Variants in COX10 observed in about 807,000 individuals in gnomAD.
COX10 encodes cytochrome c oxidase assembly factor heme A:farnesyltransferase COX10.
In COX10, 27 loss-of-function variants were observed where a neutral mutation model predicts 37.3. The ratio of observed to expected loss-of-function variants is 0.72; its 90% CI spans 0.53 to 1.00. The LOEUF (loss-of-function observed/expected upper bound fraction) is 1.00, where lower values mean the gene tolerates loss of function less well. Ranked by LOEUF, COX10 falls within the 50% of genes least tolerant of loss-of-function variation. The pLI is 0.00. For missense variants in COX10, 475 were observed against 563.2 expected, an observed-to-expected ratio of 0.84 and a Z score of 1.59; for synonymous variants, 222 against 229.1, an observed-to-expected ratio of 0.97 and a Z score of 0.28.
chr17:14,131,604 G>T (rs1465115202), intron 4 of COX10, among the ~76,000 whole-genome samples: 2 of 151,980 alleles, frequency 1.3e-5, no homozygotes, highest in Non-Finnish European at 2.9e-5. Context: ...AGCACATAGA[G>T]CAGGTCAAGA....
intron 4 of COX10, among the ~76,000 whole-genome samples, chr17:14,151,926 T>G (rs575027602): frequency 7.2e-5 from 11 of 152,342 alleles, no homozygotes; most frequent in Admixed American, 7.2e-4. Context: ...TTATTTGCAA[T>G]GATGGTTTAT....
chr17:14,143,742 C>T (rs1904619046), intron 4 of COX10, among the ~76,000 whole-genome samples: 1 of 152,114 alleles, frequency 6.6e-6, no homozygotes, highest in Non-Finnish European at 1.5e-5. Flanking sequence ...ATGCAACTGT[C>T]TTTTAAAGGT....
chr17:14,125,331 G>A (rs1340333102), intron 4 of COX10, among the ~76,000 whole-genome samples: 2 of 152,064 alleles, frequency 1.3e-5, no homozygotes, highest in South Asian at 2.1e-4. Flanking sequence ...TCTCTAAAAT[G>A]GAATTTTAGG....
chr17:14,169,162 ATC>A (rs765696981), intron 5 of COX10, among the ~76,000 whole-genome samples: 6 of 152,180 alleles, frequency 3.9e-5, no homozygotes, highest in Non-Finnish European at 5.9e-5. Flanking sequence ...ATCCTAAATC[ATC>A]TCTCTCAAGT....
intron 3 of COX10, among the ~76,000 whole-genome samples, chr17:14,082,419 C>A (rs1283010841): frequency 2.0e-5 from 3 of 152,104 alleles, no homozygotes. Context: ...GCTGTGTCTT[C>A]TTAGACTCTT....
chr17:14,143,369 T>C (rs1158345502), intron 4 of COX10, among the ~76,000 whole-genome samples: 5 of 152,204 alleles, frequency 3.3e-5, no homozygotes, highest in Non-Finnish European at 7.3e-5. Flanking sequence ...ATATACTCTT[T>C]AAACATGAAG....
At chr17:14,165,546 C>T (rs560781602) in intron 5 of COX10, among the ~76,000 whole-genome samples, 1 of 152,308 alleles carries the variant, frequency 6.6e-6, no homozygotes, top group Admixed American at 6.5e-5. Flanking sequence ...CTCTCTCCTG[C>T]TCCTTGGACC....
intron 5 of COX10, chr17:14,179,107 G>C (rs1905775682): frequency 4.9e-6 from 1 of 205,502 alleles, no homozygotes; most frequent in South Asian, 1.7e-4. Flanking sequence ...AAGCCAAAGA[G>C]ATTCTTAATA....
At chr17:14,124,818 T>TTA (rs781146727) in intron 4 of COX10, among the ~76,000 whole-genome samples, 196 of 152,290 alleles carry the variant, frequency 1.3e-3, no homozygotes, top group Admixed American at 1.4e-3. Context: ...TGTTTTAATG[T>TTA]TATGAGAATG....
intron 4 of COX10, among the ~76,000 whole-genome samples, chr17:14,154,794 G>A (rs940180900): frequency 1.3e-5 from 2 of 152,154 alleles, no homozygotes; most frequent in Admixed American, 6.5e-5. Context: ...AGGAAACTAA[G>A]GCTTCCGATA....
At chr17:14,174,413 G>C (rs367946905) in intron 5 of COX10, among the ~76,000 whole-genome samples, 1,517 of 143,602 alleles carry the variant, frequency 0.011, 17 homozygotes, top group Middle Eastern at 0.023. Flanking sequence ...CAGCTAAGAT[G>C]ATGCCACTGC....
At chr17:14,114,138 T>C (rs540516101) in intron 4 of COX10, among the ~76,000 whole-genome samples, 29 of 152,262 alleles carry the variant, frequency 1.9e-4, no homozygotes, top group Admixed American at 8.5e-4. Flanking sequence ...TAAAGAGTTA[T>C]CCACATTTCT....
intron 6 of COX10, among the ~76,000 whole-genome samples, chr17:14,194,303 TC>T (rs1345488437): frequency 2.0e-5 from 3 of 152,102 alleles, no homozygotes; most frequent in African/African-American, 7.2e-5. Context: ...TGGAGTTGCC[TC>T]CCCGGAGGCT....
chr17:14,192,987 G>A (rs1906256510), intron 6 of COX10, among the ~76,000 whole-genome samples: 1 of 152,126 alleles, frequency 6.6e-6, no homozygotes, highest in Admixed American at 6.5e-5. Flanking sequence ...TTTCATAAAA[G>A]CTCTTACACT....
At chr17:14,111,241 T>A (rs1055399094) in intron 4 of COX10, among the ~76,000 whole-genome samples, 1 of 152,150 alleles carries the variant, frequency 6.6e-6, no homozygotes, top group African/African-American at 2.4e-5. Flanking sequence ...TAGAAAATAT[T>A]GTTGGGCAAG....
intron 4 of COX10, among the ~76,000 whole-genome samples, chr17:14,126,085 T>A (rs949105534): frequency 6.6e-6 from 1 of 152,216 alleles, no homozygotes; most frequent in Non-Finnish European, 1.5e-5. Flanking sequence ...AAGGGGTACT[T>A]GTGTTGATTC....
intron 3 of COX10, among the ~76,000 whole-genome samples, chr17:14,079,870 ATG>A (rs1915243322): frequency 6.6e-6 from 1 of 151,600 alleles, no homozygotes; most frequent in Admixed American, 6.6e-5. Context: ...GTATGTATGT[ATG>A]TATGTATACA....
chr17:14,180,460 T>C (rs570310011), intron 5 of COX10, among the ~76,000 whole-genome samples: 10 of 152,264 alleles, frequency 6.6e-5, no homozygotes, highest in Non-Finnish European at 1.5e-5. Context: ...TTACAATGGT[T>C]GAACAAGAGG....
intron 6 of COX10, among the ~76,000 whole-genome samples, chr17:14,199,728 T>C (rs1567613516): frequency 6.6e-6 from 1 of 152,180 alleles, no homozygotes; most frequent in Non-Finnish European, 1.5e-5. Context: ...GTGCAGTTGA[T>C]AAACTGGCCC....
Sources: allele counts gnomAD v4.1 joint callset (sites outside exome capture counted in the v4.1 genomes callset), GRCh38; gene constraint gnomAD v4.1.1; transcripts MANE v1.5; gene names NCBI Gene and HGNC (gene_info 2026-07-23, HGNC 2026-07-21).